TLCD3B: variants seen among roughly 807,000 people sequenced by gnomAD.
The protein encoded by TLCD3B is ceramide synthase.
Under a neutral mutation model 23.0 loss-of-function variants are expected in TLCD3B, and 9 were observed. The observed-to-expected ratio is 0.39, with a 90% confidence interval of 0.24 to 0.68. TLCD3B has a LOEUF of 0.68. TLCD3B is among the 30% of genes least tolerant of loss of function. The pLI is 0.44. For missense variants in TLCD3B, 307 were observed against 371.8 expected (o/e 0.83, Z 1.43); for synonymous variants, 161 against 161.0 (o/e 1.00, Z 0.00).
rs2071057862 is a variant in TLCD3B at position 30,025,210 on chromosome 16, CG to C, written c.797del (p.Pro266ArgfsTer95). 1 of 1,491,124 alleles carries C rather than the reference CG, an allele frequency of 6.7e-7. No individual in the cohort carries two copies. The highest frequency in any genetic ancestry group is 8.9e-7 in the Non-Finnish European group (1 of 1,125,094). 92.4% of individuals were successfully genotyped at this position (1,491,124 alleles called of 1,614,324 possible). On this transcript the variant is annotated frameshift_variant, in exon 5 of 5. Transcript: ENST00000380495. LOFTEE classifies it high-confidence loss of function. This position sits in a 1 kb window ranked among gnomAD's most constrained non-coding sequence, Gnocchi z 4.1. Reference sequence around the variant, plus strand: ...AGTCCTGGGCCTGGCAGGCCGGGGGCGGCCGGGAGCGGGGCCAGAAGAGGCG... The same window carrying C: ...AGTCCTGGGCCTGGCAGGCCGGGGGCGCCGGGAGCGGGGCCAGAAGAGGCG... ...ACRLFWPRSR[P>X]PPACQAQD
Position 30,028,985 on chromosome 16 carries a change from G to A in TLCD3B, c.209+447C>T, listed in dbSNP as rs1474870731. 3.9e-5 allele frequency among the ~76,000 whole-genome samples: 6 copies of A among 152,308 alleles called. No individual in the cohort carries two copies. In the South Asian group the frequency reaches 1.2e-3, roughly 32 times the overall value. ...TGCCTGGCCGTGTGTGGCCTTGTGC[G>A]TGTCATCTCTCCCTTGTCCTCTCCC... On this transcript the variant is annotated intron_variant, in intron 2 of 4. Transcript: ENST00000380495.
At chr16:30,039,761 G>A (rs1401242323) in intron 3 of TLCD3B, among the ~76,000 whole-genome samples, 1 of 152,002 alleles carries the variant, frequency 6.6e-6, no homozygotes, top group Non-Finnish European at 1.5e-5. Context: ...ACAGGCATGA[G>A]CCACCATGCT....
Position 30,047,167 on chromosome 16 carries a change from GTCTA to G in TLCD3B, c.-293-784_-293-781del, listed in dbSNP as rs571469371. ...TGTCTGTCTGTCTGTCTGTCTGTCT[GTCTA>G]TCTATCTATCTATCTATCTATCTAG... On this transcript the variant is annotated intron_variant, in intron 1 of 6. Coordinates refer to the TLCD3B transcript ENST00000561666. 8.2e-3 allele frequency among the ~76,000 whole-genome samples: 1,210 copies of G among 148,044 alleles called. 16 individuals carry two copies. Among genetic ancestry groups the G allele is most frequent in the African/African-American group, 0.027 (1,039 of 38,904 alleles).
intron 1 of TLCD3B, among the ~76,000 whole-genome samples, chr16:30,051,588 T>G (rs2071754169): frequency 1.3e-5 from 2 of 150,860 alleles, no homozygotes; most frequent in Admixed American, 1.3e-4. Context: ...TCAGTGAGTA[T>G]TCACCAAGGC....
intron 1 of TLCD3B, among the ~76,000 whole-genome samples, chr16:30,052,471 C>A (rs925719753): frequency 2.0e-5 from 3 of 150,420 alleles, no homozygotes; most frequent in Non-Finnish European, 3.0e-5. Flanking sequence ...CTGAGGCGGG[C>A]GCATCACTTG....
At chr16:30,027,475 C>T (rs2071199006) in intron 2 of TLCD3B, 2 of 432,038 alleles carry the variant, frequency 4.6e-6, no homozygotes, top group Non-Finnish European at 9.4e-6. Context: ...CACTGTCATC[C>T]CCACCATCCC....
chr16:30,041,244 T>C (rs1467959889), intron 2 of TLCD3B: 1 of 152,130 alleles, frequency 6.6e-6, no homozygotes, highest in African/African-American at 2.4e-5. Flanking sequence ...AGATATCTTT[T>C]ATTTTATTTC....
chr16:30,033,823 G>T (rs886231107), upstream of TLCD3B: 1 of 151,880 alleles, frequency 6.6e-6, no homozygotes, highest in Admixed American at 6.6e-5. Context: ...AAAATTAGCC[G>T]GACGTGGTGG....
chr16:30,048,754 G>GCAC (rs945019706), intron 1 of TLCD3B, among the ~76,000 whole-genome samples: 10 of 151,544 alleles, frequency 6.6e-5, no homozygotes, highest in African/African-American at 2.4e-4. Context: ...TTACAGGCAT[G>GCAC]CACCACCACG....
chr16:30,031,363 G>A (rs2071355272), upstream of TLCD3B: 1 of 152,514 alleles, frequency 6.6e-6, no homozygotes, highest in African/African-American at 2.4e-5. Flanking sequence ...GTGGCACAGG[G>A]GGCTGCTGGG....
rs1289484059 is a variant in TLCD3B at position 30,030,614 on chromosome 16, G to C, written c.-87C>G. On this transcript the variant is annotated 5_prime_UTR_variant, in exon 1 of 5. Coordinates refer to ENST00000380495, the MANE Select transcript of TLCD3B (RefSeq NM_031478.6). ...AAGGAGTTAGGGGTGGAGAAGGGAC[G>C]CCAAGCCCGGGAAGGAGGGAGAAAA... 4 of 1,416,856 alleles carry C rather than the reference G, an allele frequency of 2.8e-6. No individual in the cohort carries two copies. Among genetic ancestry groups the C allele is most frequent in the Non-Finnish European group, 3.7e-6 (4 of 1,085,982 alleles). 87.8% of individuals were successfully genotyped at this position (1,416,856 alleles called of 1,614,324 possible).
chr16:30,041,999 T>C (rs1333037129), intron 2 of TLCD3B, among the ~76,000 whole-genome samples: 3 of 152,182 alleles, frequency 2.0e-5, no homozygotes, highest in African/African-American at 7.2e-5. Flanking sequence ...TGTTTCTCAA[T>C]TTTTCTTTCA....
intron 1 of TLCD3B, among the ~76,000 whole-genome samples, chr16:30,050,118 CA>C (rs1432945277): frequency 6.6e-6 from 1 of 152,142 alleles, no homozygotes; most frequent in East Asian, 1.9e-4. Context: ...CGGACGTGTC[CA>C]GGGGCCTTGC....
chr16:30,028,858 C>T (rs1019792925), intron 2 of TLCD3B, among the ~76,000 whole-genome samples: 3 of 152,204 alleles, frequency 2.0e-5, no homozygotes, highest in Admixed American at 6.5e-5. Context: ...CCCGTCCCCC[C>T]GCCTCCTGCC....
chr16:30,046,046 G>A (rs929899997), intron 2 of TLCD3B, among the ~76,000 whole-genome samples: 5 of 152,040 alleles, frequency 3.3e-5, no homozygotes, highest in African/African-American at 1.2e-4. Flanking sequence ...GGAGGTGGAG[G>A]CCACAGTGAG....
intron 1 of TLCD3B, among the ~76,000 whole-genome samples, chr16:30,049,377 G>C (rs1008884339): frequency 6.6e-6 from 1 of 152,174 alleles, no homozygotes; most frequent in Non-Finnish European, 1.5e-5. Context: ...AGAACTGCCA[G>C]GTCCCTTCCC....
At chr16:30,035,759 CTTTTT>C (rs1377143764), upstream of TLCD3B, among the ~76,000 whole-genome samples, 4 of 129,060 alleles carry the variant, frequency 3.1e-5, no homozygotes, top group Admixed American at 7.9e-5. Flanking sequence ...CTTTTCTTTT[CTTTTT>C]TCTTTTTTTT....
intron 2 of TLCD3B, among the ~76,000 whole-genome samples, chr16:30,028,448 G>A (rs1027613503): frequency 1.3e-5 from 2 of 152,144 alleles, no homozygotes; most frequent in African/African-American, 4.8e-5. Context: ...AGGAAGTGCT[G>A]GATCCCAGGC....
In TLCD3B at chr16:30,030,444, C is replaced by T; in HGVS notation, c.84G>A (p.Gln28=). The part of the protein sequence containing the change: ...LSKNTLQRLP[Q]LRWEEADAVI... The stretch of plus-strand genomic sequence containing the variant: ...CTGCGTCGGCCTCCTCCCAGCGTAG[C>T]TGGGGCAGCCGCTGGAGCGTGTTCT... Residue 28 remains glutamine (Q), a synonymous_variant, in exon 1 of 5, where the codon CAG becomes CAA. Coordinates refer to ENST00000380495, the MANE Select transcript of TLCD3B (RefSeq NM_031478.6). 6.2e-7 allele frequency: 1 copy of T among 1,602,534 alleles called. No homozygotes were observed. The highest frequency in any genetic ancestry group is 8.5e-7 in the Non-Finnish European group (1 of 1,175,950).
Sources: gnomAD v4.1 joint callset for allele counts (sites outside exome capture counted in the v4.1 genomes callset) on GRCh38, gnomAD v4.1.1 for gene constraint, Gnocchi (gnomAD v3.1) non-coding constraint, MANE v1.5 for transcripts, NCBI Gene and HGNC (gene_info 2026-07-23, HGNC 2026-07-21) for gene names.